Variants in HERC1 observed in about 807,000 individuals in gnomAD.
HERC1 encodes HECT and RLD domain containing E3 ubiquitin protein ligase family member 1, also known as probable E3 ubiquitin-protein ligase HERC1.
Under a neutral mutation model 554.3 loss-of-function variants are expected in HERC1, and 160 were observed. That is an observed-to-expected ratio of 0.29 (90% confidence interval 0.25 to 0.33). HERC1 has a LOEUF of 0.33. Ranked by LOEUF, HERC1 falls within the 10% of genes least tolerant of loss-of-function variation. The pLI is 1.00. For synonymous variants in HERC1, 2,175 were observed against 2,131.7 expected (o/e 1.02, Z -0.56); for missense variants, 4,919 against 5,918.5 (o/e 0.83, Z 5.54).
chr15:63,703,607 G>T (rs773750618), intron 25 of HERC1, among the ~76,000 whole-genome samples: 4 of 152,070 alleles, frequency 2.6e-5, no homozygotes, highest in African/African-American at 4.8e-5. Flanking sequence ...AGAATTCTTG[G>T]CCAGGCACGG....
intron 1 of HERC1, among the ~76,000 whole-genome samples, chr15:63,783,926 C>A (rs1003740285): frequency 4.6e-5 from 7 of 151,902 alleles, no homozygotes; most frequent in Non-Finnish European, 8.8e-5. Flanking sequence ...ATTAGCTGGG[C>A]ATGGTAGTGG....
intron 1 of HERC1, among the ~76,000 whole-genome samples, chr15:63,833,525 G>A (rs952886950): frequency 2.0e-5 from 3 of 152,026 alleles, no homozygotes; most frequent in African/African-American, 7.2e-5. Flanking sequence ...CCGCTGGAGG[G>A]GCGGGTCTCT....
At chr15:63,616,710 C>T in intron 74 of HERC1, 28 bp from the exon 75 acceptor site, 1 of 1,601,092 alleles carries the variant, frequency 6.2e-7, no homozygotes. Context: ...ATATTTCAAA[C>T]AGCATTTTCC....
intron 48 of HERC1, among the ~76,000 whole-genome samples, chr15:63,656,577 T>C (rs534898248): frequency 1.6e-4 from 24 of 152,326 alleles, no homozygotes; most frequent in Non-Finnish European, 3.2e-4. Context: ...ATACTTGAAG[T>C]ACAATTGAAC....
chr15:63,683,954 C>T (rs889128085), intron 34 of HERC1, among the ~76,000 whole-genome samples: 18 of 152,342 alleles, frequency 1.2e-4, no homozygotes, highest in African/African-American at 3.8e-4. Flanking sequence ...GAGTTGTGCT[C>T]AGCTAAAAGC....
In HERC1 at chr15:63,756,593, C is replaced by T. The variant is rs1178889591; in HGVS notation, c.1377G>A (p.Lys459=). The change falls in exon 5 of 78, where the codon AAG becomes AAA. Residue 459 remains lysine (K), a synonymous_variant. Coordinates refer to ENST00000443617, the MANE Select transcript of HERC1 (RefSeq NM_003922.4). This position sits in a 1 kb window ranked among gnomAD's most constrained non-coding sequence, Gnocchi z 5.0. ...CATCAGATCCTTTAGAAGATGAAAC[C>T]TTTTTAATGGATCTGTGAGGCTCGA... ...LTFEPHRSIK[K]VSSSKGSDGH... is the part of the protein sequence containing the mutation. The T allele has an allele frequency of 5.0e-6, 8 of 1,613,730 alleles. No individual in the cohort carries two copies. The Admixed American group carries it at 1.3e-4, about 27-fold the overall frequency.
At position 63,727,526 on chromosome 15, in the gene HERC1, G is replaced by C; in HGVS notation, c.3346+121C>G. 1.6e-6 allele frequency: 1 copy of C among 628,368 alleles called. No homozygotes were observed. The highest frequency in any genetic ancestry group is 2.7e-6 in the Non-Finnish European group (1 of 374,234). 38.9% of individuals were successfully genotyped at this position (628,368 alleles called of 1,614,324 possible). A position where few individuals can be genotyped will look rare whatever the true frequency, so the allele number is the denominator to read the frequency against. ...AATTTGAAAAGCTTTTAAGATTTCAGTGATGAAATTCCTTTGATAGCCTTA... is the reference window on the plus strand; with the variant it reads ...AATTTGAAAAGCTTTTAAGATTTCACTGATGAAATTCCTTTGATAGCCTTA... On this transcript the variant is annotated intron_variant, in intron 17 of 77. Coordinates refer to ENST00000443617, the MANE Select transcript of HERC1 (RefSeq NM_003922.4). The surrounding 1 kb of genome is among the most constrained non-coding windows in gnomAD (Gnocchi z 4.3).
chr15:63,769,247 G>A (rs1024745435), intron 2 of HERC1, among the ~76,000 whole-genome samples: 25 of 150,818 alleles, frequency 1.7e-4, no homozygotes, highest in Non-Finnish European at 2.5e-4. Context: ...GCAAAACCCC[G>A]TCTCTACTAA....
Position 63,616,484 on chromosome 15 carries a change from G to T in HERC1, c.13887C>A (p.Leu4629=). 1 of 1,614,000 alleles carries T rather than the reference G, an allele frequency of 6.2e-7. No homozygotes were observed. The highest frequency in any genetic ancestry group is 8.5e-7 in the Non-Finnish European group (1 of 1,179,876). ...EEVDLLYVQT[L]NSILHIEDSG... ...TGTCTTCAATGTGAAGAATGCTGTT[G>T]AGAGTCTGCACGTAGAGCAGATCCA... The change falls in exon 75 of 78, where the codon CTC becomes CTA. Residue 4629 remains leucine (L), a synonymous_variant. Transcript: ENST00000443617.
At chr15:63,725,652 C>T in intron 17 of HERC1, 139 bp from the exon 18 acceptor site, 2 of 654,676 alleles carry the variant, frequency 3.1e-6, no homozygotes, top group Middle Eastern at 4.1e-4. Context: ...ATAATACTTT[C>T]TGTATTTTTT....
intron 42 of HERC1, 122 bp downstream of exon 42, chr15:63,665,797 T>C: frequency 2.9e-6 from 2 of 687,206 alleles, no homozygotes; most frequent in Non-Finnish European, 4.7e-6. Context: ...ATGCCCATCT[T>C]TTCATATAAC....
chr15:63,682,009 T>C (rs1194752132), intron 34 of HERC1, among the ~76,000 whole-genome samples: 2 of 152,200 alleles, frequency 1.3e-5, no homozygotes, highest in Non-Finnish European at 2.9e-5. Context: ...TCTCTGAATG[T>C]GAGGGTGGTC....
chr15:63,809,203 G>A (rs946187384), intron 1 of HERC1, among the ~76,000 whole-genome samples: 11 of 152,144 alleles, frequency 7.2e-5, no homozygotes, highest in Admixed American at 3.3e-4. Flanking sequence ...TGGCTTCAAA[G>A]TTACCTTTAA....
At chr15:63,628,371 C>T (rs192585217) in intron 70 of HERC1, among the ~76,000 whole-genome samples, 151 of 152,238 alleles carry the variant, frequency 9.9e-4, no homozygotes, top group African/African-American at 3.1e-3. Flanking sequence ...GCCTAGGTGA[C>T]AGAGCAAGAC....
intron 25 of HERC1, among the ~76,000 whole-genome samples, chr15:63,700,707 T>A (rs1426085321): frequency 2.7e-3 from 130 of 47,902 alleles, no homozygotes; most frequent in South Asian, 5.7e-3. Flanking sequence ...AGACCCTGCC[T>A]CAAAAAAAAA....
At chr15:63,824,329 G>T (rs1467369350) in intron 1 of HERC1, among the ~76,000 whole-genome samples, 1 of 151,836 alleles carries the variant, frequency 6.6e-6, no homozygotes, top group Non-Finnish European at 1.5e-5. Context: ...GTCAGGAGAT[G>T]GAGACCATCC....
chr15:63,824,435 A>T (rs140358223), intron 1 of HERC1, among the ~76,000 whole-genome samples: 213 of 151,836 alleles, frequency 1.4e-3, no homozygotes, highest in African/African-American at 4.8e-3. Context: ...TTAGGAGGCC[A>T]AGGCAGGAGA....
intron 61 of HERC1, 135 bp downstream of exon 61, chr15:63,640,017 A>C: frequency 1.2e-6 from 1 of 854,996 alleles, no homozygotes. Flanking sequence ...ATCTGAAAGA[A>C]AAATATTTTC....
chr15:63,658,849 T>C (rs931255217), intron 47 of HERC1, 131 bp from the exon 48 acceptor site: 10 of 600,340 alleles, frequency 1.7e-5, no homozygotes, highest in African/African-American at 1.5e-4. Flanking sequence ...AACTTGGTTA[T>C]ACAGAAAATT....
Sources: allele counts gnomAD v4.1 joint callset (sites outside exome capture counted in the v4.1 genomes callset), GRCh38; gene constraint gnomAD v4.1.1; non-coding constraint Gnocchi (gnomAD v3.1); transcripts MANE v1.5; gene names NCBI Gene and HGNC (gene_info 2026-07-23, HGNC 2026-07-21).